The following EIF2B3 variants were observed in gnomAD, a reference collection of about 807,000 sequenced individuals.
The protein encoded by EIF2B3 is eukaryotic translation initiation factor 2B subunit gamma, also known as translation initiation factor eIF2B subunit gamma.
Under a neutral mutation model 54.1 loss-of-function variants are expected in EIF2B3, and 20 were observed. The ratio of observed to expected loss-of-function variants is 0.37; its 90% CI spans 0.26 to 0.54. The LOEUF (loss-of-function observed/expected upper bound fraction) is 0.54, where lower values mean the gene tolerates loss of function less well. EIF2B3 is among the 20% of genes least tolerant of loss of function. EIF2B3 has a pLI of 0.86. For synonymous variants in EIF2B3, 153 were observed against 188.1 expected (o/e 0.81, Z 1.52); for missense variants, 448 against 547.8 (o/e 0.82, Z 1.82).
chr1:44,921,896 AT>A (rs920091427), intron 5 of EIF2B3, among the ~76,000 whole-genome samples: 4,760 of 99,174 alleles, frequency 0.048, 164 homozygotes, highest in African/African-American at 0.18. Context: ...ATATATATAT[AT>A]TTTTTTATTT....
chr1:44,905,092 C>G (rs572435877), intron 5 of EIF2B3, among the ~76,000 whole-genome samples: 130 of 152,286 alleles, frequency 8.5e-4, no homozygotes, highest in African/African-American at 3.0e-3. Flanking sequence ...CATACCATCC[C>G]AATGCCTGAT....
chr1:44,927,739 G>A (rs917904981), intron 4 of EIF2B3, among the ~76,000 whole-genome samples: 5 of 152,054 alleles, frequency 3.3e-5, no homozygotes, highest in East Asian at 1.9e-4. Flanking sequence ...AGGAGAGGGA[G>A]GAAATACTTA....
At chr1:44,900,503 G>A (rs1219581899) in intron 5 of EIF2B3, among the ~76,000 whole-genome samples, 1 of 151,282 alleles carries the variant, frequency 6.6e-6, no homozygotes, top group East Asian at 1.9e-4. Context: ...ACAACCAGGG[G>A]GAGGGAGGAG....
intron 6 of EIF2B3, among the ~76,000 whole-genome samples, chr1:44,886,183 G>A (rs1313364798): frequency 2.0e-5 from 3 of 151,958 alleles, no homozygotes; most frequent in Non-Finnish European, 2.9e-5. Context: ...GGGTTCAAGC[G>A]ATTCTCCTGC....
At chr1:44,931,523 A>C (rs910295508) in intron 4 of EIF2B3, among the ~76,000 whole-genome samples, 4 of 152,248 alleles carry the variant, frequency 2.6e-5, no homozygotes, top group Admixed American at 2.6e-4. Context: ...TCTTGGCTAC[A>C]CTTAGGCCAA....
At chr1:44,859,059 G>A (rs1292343689) in intron 10 of EIF2B3, among the ~76,000 whole-genome samples, 1 of 152,168 alleles carries the variant, frequency 6.6e-6, no homozygotes, top group East Asian at 1.9e-4. Flanking sequence ...AGCACTTTGG[G>A]AGGCCGAGGT....
intron 5 of EIF2B3, among the ~76,000 whole-genome samples, chr1:44,899,545 T>C (rs916143504): frequency 6.6e-6 from 1 of 152,146 alleles, no homozygotes; most frequent in Non-Finnish European, 1.5e-5. Context: ...AAAGAAGACA[T>C]ACAGGCAGAC....
chr1:44,913,338 C>T (rs941953533), intron 5 of EIF2B3, among the ~76,000 whole-genome samples: 5 of 151,930 alleles, frequency 3.3e-5, no homozygotes, highest in East Asian at 1.9e-4. Flanking sequence ...CTTCTTTCTT[C>T]GCAGAATTCC....
Position 44,952,296 on chromosome 1 carries a change from C to T in EIF2B3, c.295-10631G>A, listed in dbSNP as rs563586646. ...TGCATTTTTAGTAGAGATGGGGTTT[C>T]GCCATTTTGGCCAGGCTGGTCTTGA... On this transcript the variant is annotated intron_variant, in intron 3 of 11. Coordinates refer to ENST00000360403, the MANE Select transcript of EIF2B3 (RefSeq NM_020365.5). Among the ~76,000 whole-genome samples, 47 of 150,728 alleles carry T rather than the reference C, an allele frequency of 3.1e-4. 2 individuals carry two copies. The South Asian group carries it at 9.1e-3, about 29-fold the overall frequency.
intron 5 of EIF2B3, among the ~76,000 whole-genome samples, chr1:44,917,124 C>T (rs1357340792): frequency 6.6e-6 from 1 of 152,120 alleles, no homozygotes; most frequent in East Asian, 1.9e-4. Flanking sequence ...CTTGAATTCT[C>T]TCTTTATCCC....
chr1:44,901,445 C>T (rs557994220), intron 5 of EIF2B3, among the ~76,000 whole-genome samples: 2 of 151,358 alleles, frequency 1.3e-5, no homozygotes, highest in South Asian at 4.2e-4. Context: ...GAGATAGGGT[C>T]TCACTTTGTT....
At chr1:44,955,452 T>C (rs1644212470) in intron 3 of EIF2B3, among the ~76,000 whole-genome samples, 1 of 152,092 alleles carries the variant, frequency 6.6e-6, no homozygotes, top group Non-Finnish European at 1.5e-5. Context: ...GAGATAGGCA[T>C]GGGCAAAGAC....
At chr1:44,854,045 C>G (rs1266505660) in intron 11 of EIF2B3, among the ~76,000 whole-genome samples, 1 of 150,586 alleles carries the variant, frequency 6.6e-6, no homozygotes, top group Non-Finnish European at 1.5e-5. Context: ...CTCTGTTGCC[C>G]AGGCTGGAGT....
In EIF2B3 at chr1:44,881,951, G is replaced by A. The variant is rs1655416139; in HGVS notation, c.657-212C>T. On this transcript the variant is annotated intron_variant, in intron 6 of 11. Transcript: ENST00000360403. The surrounding 1 kb of genome is among the most constrained non-coding windows in gnomAD (Gnocchi z 4.0). The stretch of plus-strand genomic sequence containing the variant: ...CAGGATGTTGGGTCTAAGTGATCAG[G>A]AATCTGTACTAGGGGAAGAAGGGAC... Among the ~76,000 whole-genome samples, 1 of 152,152 alleles carries A rather than the reference G, an allele frequency of 6.6e-6. No homozygotes were observed. Among genetic ancestry groups the A allele is most frequent in the Non-Finnish European group, 1.5e-5 (1 of 68,030 alleles).
At chr1:44,874,608 A>C in intron 10 of EIF2B3, 70 bp downstream of exon 10, 1 of 1,561,746 alleles carries the variant, frequency 6.4e-7, no homozygotes, top group Non-Finnish European at 8.8e-7. Context: ...GTTAAAATTA[A>C]CCTTCCTTCA....
chr1:44,852,343 T>A (rs548695417), intron 11 of EIF2B3, among the ~76,000 whole-genome samples: 1 of 152,144 alleles, frequency 6.6e-6, no homozygotes, highest in South Asian at 2.1e-4. Flanking sequence ...GCACTCTTAC[T>A]ACCCTATGTG....
chr1:44,895,847 T>A (rs997565671), intron 6 of EIF2B3, among the ~76,000 whole-genome samples: 6 of 152,350 alleles, frequency 3.9e-5, no homozygotes, highest in East Asian at 1.9e-4. Flanking sequence ...AATCATTTTT[T>A]AAAAAGTCAT....
chr1:44,866,573 T>C (rs1654790409), intron 10 of EIF2B3, among the ~76,000 whole-genome samples: 1 of 151,600 alleles, frequency 6.6e-6, no homozygotes, highest in Admixed American at 6.6e-5. Flanking sequence ...TTTTTTTTTT[T>C]AGATGGAGTC....
chr1:44,867,444 C>T (rs1302145864), intron 10 of EIF2B3, among the ~76,000 whole-genome samples: 1 of 152,118 alleles, frequency 6.6e-6, no homozygotes, highest in East Asian at 1.9e-4. Flanking sequence ...CCCTGAAGAC[C>T]TTGGGCAGGT....
Sources: gnomAD v4.1 joint callset for allele counts (sites outside exome capture counted in the v4.1 genomes callset) on GRCh38, gnomAD v4.1.1 for gene constraint, Gnocchi (gnomAD v3.1) non-coding constraint, MANE v1.5 for transcripts, NCBI Gene and HGNC (gene_info 2026-07-23, HGNC 2026-07-21) for gene names.